Variants in PPARA observed in about 807,000 individuals in gnomAD.
PPARA encodes the protein peroxisome proliferator-activated receptor alpha.
In PPARA, 22 loss-of-function variants were observed where a neutral mutation model predicts 42.2. The observed-to-expected ratio is 0.52, with a 90% confidence interval of 0.37 to 0.74. PPARA has a LOEUF of 0.74. PPARA is among the 30% of genes least tolerant of loss of function. The pLI is 0.00. For synonymous variants in PPARA, 242 were observed against 239.3 expected (o/e 1.01, Z -0.10); for missense variants, 465 against 608.2 (o/e 0.76, Z 2.48).
In PPARA at chr22:46,225,903, A is replaced by G. The variant is rs1935397469; in HGVS notation, c.711+5889A>G. 6.6e-6 allele frequency among the ~76,000 whole-genome samples: 1 copy of G among 151,588 alleles called. No homozygotes were observed. On this transcript the variant is annotated intron_variant, in intron 7 of 8. Transcript: ENST00000407236. This position sits in a 1 kb window ranked among gnomAD's most constrained non-coding sequence, Gnocchi z 4.1. ...CACGCACACTCACACATGTACCCAC[A>G]CCTGTGTGTACACACACACATGCAT...
chr22:46,242,731 G>GCGCGCGCGCGCGCACACA lies in PPARA; in HGVS notation c.*7352_*7353insGCGCGCGCGCGCACACAC, dbSNP rs10643430. On this transcript the variant is annotated 3_prime_UTR_variant, in exon 9 of 9. Transcript: ENST00000407236. The surrounding 1 kb of genome is among the most constrained non-coding windows in gnomAD (Gnocchi z 6.1). ...AAATACACTGCGTACACGTGTGCGT[G>GCGCGCGCGCGCGCACACA]CACACACACACACACACACACACAC... The GCGCGCGCGCGCGCACACA allele has an allele frequency of 1.5e-5, 2 of 132,700 alleles. No individual in the cohort carries two copies. Among genetic ancestry groups the GCGCGCGCGCGCGCACACA allele is most frequent in the African/African-American group, 5.0e-5 (2 of 39,858 alleles). 8.2% of individuals were successfully genotyped at this position (132,700 alleles called of 1,614,324 possible).
chr22:46,172,318 T>TAAAAAAAAA (rs35328780), intron 2 of PPARA, among the ~76,000 whole-genome samples: 23 of 119,566 alleles, frequency 1.9e-4, no homozygotes, highest in African/African-American at 6.7e-4. Flanking sequence ...TGCAAGTAAT[T>TAAAAAAAAA]AAAAAAAAAA....
chr22:46,218,131 GGAA>G, intron 5 of PPARA, 129 bp from the exon 6 acceptor site: 1 of 1,251,462 alleles, frequency 8.0e-7, no homozygotes, highest in East Asian at 2.6e-5. Flanking sequence ...TGCCTGGCCT[GGAA>G]TAACTTTTCT....
Position 46,175,328 on chromosome 22 carries a change from C to G in PPARA, c.-126-1425C>G, listed in dbSNP as rs530123009. 7.2e-5 allele frequency among the ~76,000 whole-genome samples: 11 copies of G among 152,284 alleles called. No individual in the cohort carries two copies. The South Asian group carries it at 2.3e-3, about 32-fold the overall frequency. ...CCATCACCAATCAGTGGTCATGGTG[C>G]CTTTTATAGCCAAACCCACTTCTCT... is the stretch of plus-strand genomic sequence containing the variant. On this transcript the variant is annotated intron_variant, in intron 2 of 8. Coordinates refer to ENST00000407236, the MANE Select transcript of PPARA (RefSeq NM_005036.6).
At position 46,229,291 on chromosome 22, in the gene PPARA, T is replaced by C. The variant is rs185767277; in HGVS notation, c.712-2501T>C. 9.4e-4 allele frequency among the ~76,000 whole-genome samples: 143 copies of C among 152,212 alleles called. 1 individual carries two copies. The highest frequency in any genetic ancestry group is 3.4e-3 in the Middle Eastern group (1 of 294). On this transcript the variant is annotated intron_variant, in intron 7 of 8. Transcript: ENST00000407236. ...GAGGCCGGGCACAGTGGCTCACGCATGTAATCCTGGCCTGCACTTTGGAAG... is the reference window on the plus strand; with the variant it reads ...GAGGCCGGGCACAGTGGCTCACGCACGTAATCCTGGCCTGCACTTTGGAAG...
At chr22:46,202,465 C>T (rs1200805056) in intron 4 of PPARA, among the ~76,000 whole-genome samples, 1 of 151,714 alleles carries the variant, frequency 6.6e-6, no homozygotes, top group Non-Finnish European at 1.5e-5. Context: ...AGGCCGGGCA[C>T]GGTGGTCACG....
rs1175016069 is a variant in PPARA, at chr22:46,237,706, G to A, written c.*2326G>A. On this transcript the variant is annotated 3_prime_UTR_variant, in exon 9 of 9. Coordinates refer to ENST00000407236, the MANE Select transcript of PPARA (RefSeq NM_005036.6). This position sits in a 1 kb window ranked among gnomAD's most constrained non-coding sequence, Gnocchi z 6.7. Reference sequence around the variant, plus strand: ...TGCCCAAGTGTCTTAGGAACCAAAAGCAAATAAAAGTGTTTCCATATATGC... The same window carrying A: ...TGCCCAAGTGTCTTAGGAACCAAAAACAAATAAAAGTGTTTCCATATATGC... 6.6e-6 allele frequency: 1 copy of A among 152,034 alleles called. No homozygotes were observed. The highest frequency in any genetic ancestry group is 1.5e-5 in the Non-Finnish European group (1 of 68,046). The allele number at this position is 152,034 out of a possible 1,614,324, so 9.4% of individuals were successfully genotyped here. A position where few individuals can be genotyped will look rare whatever the true frequency, so the allele number is the denominator to read the frequency against.
rs114295094 is a variant in PPARA at position 46,175,385 on chromosome 22, A to G, written c.-126-1368A>G. Among the ~76,000 whole-genome samples, 558 of 152,176 alleles carry G rather than the reference A, an allele frequency of 3.7e-3. 4 individuals are homozygous for G. The highest frequency in any genetic ancestry group is 0.013 in the African/African-American group (535 of 41,502). ...TTCCCATCCCTTTTTTAATTTTGCC[A>G]GTCATTAATCTGTTGCCCATTTCTG... On this transcript the variant is annotated intron_variant, in intron 2 of 8. Transcript: ENST00000407236.
Position 46,151,436 on chromosome 22 carries a change from G to A in PPARA, c.-209-452G>A, listed in dbSNP as rs574619486. 2.0e-5 allele frequency among the ~76,000 whole-genome samples: 3 copies of A among 152,370 alleles called. No individual in the cohort carries two copies. In the East Asian group the frequency reaches 5.8e-4, roughly 29 times the overall value. On this transcript the variant is annotated intron_variant, in intron 1 of 8. Transcript: ENST00000407236. ...GTGGTGCGGGTGAAGCTGGAGGGGC[G>A]CGGGGTGGTGCCAGTGGAAGTCAGG... is the stretch of plus-strand genomic sequence containing the variant.
chr22:46,168,493 A>G (rs1927470613), intron 2 of PPARA, among the ~76,000 whole-genome samples: 1 of 151,922 alleles, frequency 6.6e-6, no homozygotes, highest in African/African-American at 2.4e-5. Flanking sequence ...ATAGACTTAG[A>G]GAAAATATTT....
intron 6 of PPARA, among the ~76,000 whole-genome samples, chr22:46,218,846 AAAAGAAAAAG>A (rs199523878): frequency 0.019 from 2,706 of 139,580 alleles, 91 homozygotes; most frequent in African/African-American, 0.073. Context: ...AAAAAAAAAA[AAAAGAAAAAG>A]AAAGAAAGAA....
chr22:46,219,770 G>T lies in PPARA; in HGVS notation c.509-42G>T. ...CGTCCAGCCCTGTCCGCGCAGTCATGACCTCACTGCTCATGCCTGTGTTTC... is the reference window on the plus strand; with the variant it reads ...CGTCCAGCCCTGTCCGCGCAGTCATTACCTCACTGCTCATGCCTGTGTTTC... On this transcript the variant is annotated intron_variant, in intron 6 of 8. Transcript: ENST00000407236. The surrounding 1 kb of genome is among the most constrained non-coding windows in gnomAD (Gnocchi z 4.8). 6.2e-7 allele frequency: 1 copy of T among 1,603,536 alleles called. No homozygotes were observed. The highest frequency in any genetic ancestry group is 1.1e-5 in the South Asian group (1 of 90,574).
chr22:46,221,096 C>T lies in PPARA; in HGVS notation c.711+1082C>T, dbSNP rs1934963046. Among the ~76,000 whole-genome samples the T allele has an allele frequency of 6.6e-6, 1 of 152,126 alleles. No homozygotes were observed. The highest frequency in any genetic ancestry group is 2.4e-5 in the African/African-American group (1 of 41,412). Reference sequence around the variant, plus strand: ...CAGGAAGCTTCTGCTTCTGGGGAGGCCTCAGGGAATTTGACTCATAGCAGA... The same window carrying T: ...CAGGAAGCTTCTGCTTCTGGGGAGGTCTCAGGGAATTTGACTCATAGCAGA... On this transcript the variant is annotated intron_variant, in intron 7 of 8. Coordinates refer to ENST00000407236, the MANE Select transcript of PPARA (RefSeq NM_005036.6). This position sits in a 1 kb window ranked among gnomAD's most constrained non-coding sequence, Gnocchi z 5.9.
chr22:46,228,717 G>C (rs540722669), intron 7 of PPARA, among the ~76,000 whole-genome samples: 1 of 152,346 alleles, frequency 6.6e-6, no homozygotes, highest in East Asian at 1.9e-4. Flanking sequence ...CATTCTGGAA[G>C]ACTGCACATT....
intron 3 of PPARA, among the ~76,000 whole-genome samples, chr22:46,186,098 T>A (rs968591175): frequency 1.3e-5 from 2 of 151,012 alleles, no homozygotes; most frequent in African/African-American, 4.9e-5. Flanking sequence ...AAAGGGCCTT[T>A]TCTCTTTCCT....
chr22:46,230,887 G>A lies in PPARA; in HGVS notation c.712-905G>A, dbSNP rs1935819888. 6.6e-6 allele frequency among the ~76,000 whole-genome samples: 1 copy of A among 152,180 alleles called. No homozygotes were observed. The highest frequency in any genetic ancestry group is 1.5e-5 in the Non-Finnish European group (1 of 68,036). The stretch of plus-strand genomic sequence containing the variant: ...TATTCATTGAGCAGCGTTAAATAAT[G>A]GTGTTCACCCCTAAAGTGCATATAC... On this transcript the variant is annotated intron_variant, in intron 7 of 8. Coordinates refer to ENST00000407236, the MANE Select transcript of PPARA (RefSeq NM_005036.6). This position sits in a 1 kb window ranked among gnomAD's most constrained non-coding sequence, Gnocchi z 5.0.
intron 3 of PPARA, among the ~76,000 whole-genome samples, chr22:46,189,655 C>T (rs1396961304): frequency 6.6e-6 from 1 of 151,654 alleles, no homozygotes; most frequent in Non-Finnish European, 1.5e-5. Context: ...ACTTTGTTAG[C>T]GTGTTAATCA....
At chr22:46,209,258 C>T (rs1411277561) in intron 4 of PPARA, among the ~76,000 whole-genome samples, 1 of 152,152 alleles carries the variant, frequency 6.6e-6, no homozygotes, top group Non-Finnish European at 1.5e-5. Context: ...CTGGCTGCTT[C>T]TAAATTTTTT....
chr22:46,153,268 C>T (rs543520577), intron 2 of PPARA, among the ~76,000 whole-genome samples: 4 of 142,402 alleles, frequency 2.8e-5, no homozygotes, highest in East Asian at 2.2e-4. Flanking sequence ...CTCACGGATT[C>T]GAACAATACT....
Sources: gnomAD v4.1 joint callset for allele counts (sites outside exome capture counted in the v4.1 genomes callset) on GRCh38, gnomAD v4.1.1 for gene constraint, Gnocchi (gnomAD v3.1) non-coding constraint, MANE v1.5 for transcripts, NCBI Gene and HGNC (gene_info 2026-07-23, HGNC 2026-07-21) for gene names.